Variants in SFRP1 observed in about 807,000 individuals in gnomAD.
SFRP1 encodes secreted frizzled-related protein 1.
Under a neutral mutation model 25.9 loss-of-function variants are expected in SFRP1, and 9 were observed. The observed-to-expected ratio is 0.35, with a 90% confidence interval of 0.21 to 0.61. SFRP1 has a LOEUF of 0.61. Among genes scored for constraint, SFRP1 ranks in the 20% least tolerant of loss-of-function variants. The pLI, the probability that SFRP1 is intolerant of heterozygous loss-of-function variation, is 0.78. For missense variants in SFRP1, 346 were observed against 418.2 expected, an observed-to-expected ratio of 0.83 and a Z score of 1.51; for synonymous variants, 178 against 174.0, an observed-to-expected ratio of 1.02 and a Z score of -0.18.
intron 2 of SFRP1, among the ~76,000 whole-genome samples, chr8:41,296,932 A>G (rs1298167921): frequency 6.6e-6 from 1 of 152,200 alleles, no homozygotes; most frequent in African/African-American, 2.4e-5. Context: ...TCATCTCACT[A>G]AAACCCAGAT....
intron 2 of SFRP1, among the ~76,000 whole-genome samples, chr8:41,273,899 G>A (rs990781278): frequency 5.9e-5 from 9 of 152,134 alleles, no homozygotes; most frequent in African/African-American, 9.7e-5. Context: ...AATCAGCTGC[G>A]AGGGCAGTCA....
chr8:41,274,027 G>A (rs535363082), intron 2 of SFRP1, among the ~76,000 whole-genome samples: 8 of 152,172 alleles, frequency 5.3e-5, no homozygotes, highest in East Asian at 1.9e-4. Context: ...CATGTTTTTC[G>A]GCTCTGGGAC....
chr8:41,277,538 T>A (rs1372344963), intron 2 of SFRP1, among the ~76,000 whole-genome samples: 1 of 152,136 alleles, frequency 6.6e-6, no homozygotes, highest in African/African-American at 2.4e-5. Flanking sequence ...ACCTGGAGGA[T>A]TGTTAAAAAT....
chr8:41,303,743 G>A (rs1803958399), intron 1 of SFRP1, among the ~76,000 whole-genome samples: 1 of 152,146 alleles, frequency 6.6e-6, no homozygotes, highest in African/African-American at 2.4e-5. Context: ...GAAACATTTT[G>A]GCCCAGAGCT....
At chr8:41,298,052 T>G (rs145878192) in intron 2 of SFRP1, 3 of 152,318 alleles carry the variant, frequency 2.0e-5, no homozygotes, top group Admixed American at 2.0e-4. Flanking sequence ...CTAACTCCTT[T>G]ATTTTTTTGT....
At chr8:41,308,518 C>A in intron 1 of SFRP1, 98 bp downstream of exon 1, 1 of 996,562 alleles carries the variant, frequency 1.0e-6, no homozygotes, top group Non-Finnish European at 1.5e-6. Flanking sequence ...AGCACCGGGA[C>A]CCAGCGGCGG....
At chr8:41,302,830 G>A (rs1335179046) in intron 2 of SFRP1, among the ~76,000 whole-genome samples, 4 of 150,814 alleles carry the variant, frequency 2.7e-5, no homozygotes, top group East Asian at 2.0e-4. Flanking sequence ...CTGGAGCTGC[G>A]AGTGCTGGTT....
At chr8:41,269,943 C>T (rs1320167921) in intron 2 of SFRP1, among the ~76,000 whole-genome samples, 2 of 152,200 alleles carry the variant, frequency 1.3e-5, no homozygotes, top group African/African-American at 4.8e-5. Context: ...CCACGGGAGG[C>T]CCCGCTGGGA....
chr8:41,309,385 G>C lies in SFRP1; in HGVS notation c.-226C>G, dbSNP rs1298288387. 6 of 254,068 alleles carry C rather than the reference G, an allele frequency of 2.4e-5. No homozygotes were observed. The highest frequency in any genetic ancestry group is 4.0e-5 in the Non-Finnish European group (6 of 148,794). 15.7% of individuals were successfully genotyped at this position (254,068 alleles called of 1,614,324 possible). On this transcript the variant is annotated 5_prime_UTR_variant, in exon 1 of 3. Transcript: ENST00000220772. ...GGAGGCGGCGCTGCGGGCTGGGTGC[G>C]CCCCGGCTCCCGGAGGTGCGGCGAG...
At position 41,309,305 on chromosome 8, in the gene SFRP1, C is replaced by G; in HGVS notation, c.-146G>C. 2 of 978,518 alleles carry G rather than the reference C, an allele frequency of 2.0e-6. No homozygotes were observed. Among genetic ancestry groups the G allele is most frequent in the Non-Finnish European group, 2.6e-6 (2 of 769,934 alleles). 60.6% of individuals were successfully genotyped at this position (978,518 alleles called of 1,614,324 possible). On this transcript the variant is annotated 5_prime_UTR_variant, in exon 1 of 3. Transcript: ENST00000220772. ...GGCTCCGCGGCCGCAAGCTGCTGCC[C>G]GGTCCCCCCGGCCAGTGGCGGCCCT... is the stretch of plus-strand genomic sequence containing the variant.
chr8:41,265,134 C>CCG lies in SFRP1; in HGVS notation c.*32_*33insCG. ...CTGTCCCCCCCGCTCCCACCCCACC[C>CCG]GAGGCTCCCTCCCCACCCTGCCCCC... On this transcript the variant is annotated 3_prime_UTR_variant, in exon 3 of 3. Transcript: ENST00000220772. 2 of 745,302 alleles carry CCG rather than the reference C, an allele frequency of 2.7e-6. No individual in the cohort carries two copies. The highest frequency in any genetic ancestry group is 4.3e-6 in the Non-Finnish European group (2 of 462,480). The allele number at this position is 745,302 out of a possible 1,614,324, so 46.2% of individuals were successfully genotyped here.
chr8:41,289,528 G>A (rs1236777594), intron 2 of SFRP1, among the ~76,000 whole-genome samples: 1 of 152,168 alleles, frequency 6.6e-6, no homozygotes, highest in Non-Finnish European at 1.5e-5. Context: ...GGTAGAACCA[G>A]GCGCTGGGCT....
In SFRP1 at chr8:41,265,078, C is replaced by T. The variant is rs1803417507; in HGVS notation, c.*89G>A. On this transcript the variant is annotated 3_prime_UTR_variant, in exon 3 of 3. Coordinates refer to ENST00000220772, the MANE Select transcript of SFRP1 (RefSeq NM_003012.5). ...ATGTCCACTACTGACAGGCGCAGTG[C>T]GTGTGTGTGACCCACCGGGTTCCCG... is the stretch of plus-strand genomic sequence containing the variant. 2.3e-6 allele frequency: 2 copies of T among 871,780 alleles called. No homozygotes were observed. The highest frequency in any genetic ancestry group is 1.7e-5 in the African/African-American group (1 of 59,324). The allele number at this position is 871,780 out of a possible 1,614,324, so 54.0% of individuals were successfully genotyped here. A position where few individuals can be genotyped will look rare whatever the true frequency, so the allele number is the denominator to read the frequency against.
intron 1 of SFRP1, chr8:41,306,742 T>C (rs1378099369): frequency 1.3e-6 from 2 of 1,596,926 alleles, no homozygotes; most frequent in East Asian, 2.2e-5. Context: ...CTGGGAGGAG[T>C]GGAGGTGAGT....
chr8:41,269,362 G>A (rs1431573778), intron 2 of SFRP1, among the ~76,000 whole-genome samples: 1 of 152,120 alleles, frequency 6.6e-6, no homozygotes, highest in East Asian at 1.9e-4. Context: ...CAGAGACCCA[G>A]AAACTTTGAA....
At chr8:41,273,714 C>T (rs955781133) in intron 2 of SFRP1, among the ~76,000 whole-genome samples, 2 of 152,000 alleles carry the variant, frequency 1.3e-5, no homozygotes, top group Non-Finnish European at 1.5e-5. Flanking sequence ...TGGTTTTTCC[C>T]GAACAACTGT....
chr8:41,307,150 G>A (rs991687952), intron 1 of SFRP1, among the ~76,000 whole-genome samples: 3 of 152,246 alleles, frequency 2.0e-5, no homozygotes, highest in Non-Finnish European at 4.4e-5. Context: ...CAAGCCAACA[G>A]AACACAAGGC....
chr8:41,293,157 A>G (rs1408976069), intron 2 of SFRP1, among the ~76,000 whole-genome samples: 1 of 152,222 alleles, frequency 6.6e-6, no homozygotes, highest in Non-Finnish European at 1.5e-5. Flanking sequence ...CCTGGGTGTC[A>G]TATCTGACTC....
At chr8:41,276,987 G>A in intron 2 of SFRP1, 1 of 456,346 alleles carries the variant, frequency 2.2e-6, no homozygotes, top group South Asian at 1.5e-5. Flanking sequence ...CAGCCATCCA[G>A]AATCCTGCTG....
Sources: gnomAD v4.1 joint callset for allele counts (sites outside exome capture counted in the v4.1 genomes callset) on GRCh38, gnomAD v4.1.1 for gene constraint, MANE v1.5 for transcripts, NCBI Gene and HGNC (gene_info 2026-07-23, HGNC 2026-07-21) for gene names.